The following ZFAND2A variants were observed in gnomAD, a reference collection of about 807,000 sequenced individuals.
The protein encoded by ZFAND2A is AN1-type zinc finger protein 2A.
A neutral mutation model predicts 11.6 loss-of-function variants in ZFAND2A; 20 were observed. The ratio of observed to expected loss-of-function variants is 1.72; its 90% CI spans 1.21 to 2.50. The LOEUF is 2.50. Ranked by LOEUF, ZFAND2A falls within the 30% of genes most tolerant of loss-of-function variation. The probability of loss-of-function intolerance (pLI) is 0.00; values close to 1 mark genes in which losing one functional copy is unlikely to be tolerated. For synonymous variants in ZFAND2A, 93 were observed against 60.6 expected, an observed-to-expected ratio of 1.54 and a Z score of -2.48; for missense variants, 234 against 182.9, an observed-to-expected ratio of 1.28 and a Z score of -1.61.
chr7:1,155,148 AAATG>A (rs1793492289), intron 4 of ZFAND2A, among the ~76,000 whole-genome samples: 1 of 151,804 alleles, frequency 6.6e-6, no homozygotes, highest in Non-Finnish European at 1.5e-5. Context: ...ACAAACAAAC[AAATG>A]AAACGCACAT....
chr7:1,159,673 AC>A, intron 1 of ZFAND2A, among the ~76,000 whole-genome samples: 1 of 46,276 alleles, frequency 2.2e-5, no homozygotes, highest in East Asian at 3.4e-4. Context: ...GACAGGCCGG[AC>A]CCCCAGCAGC....
rs571899930 is a variant in ZFAND2A, at chr7:1,157,463, T to C, written c.150+193A>G. ...CTGAGAGTCATCCAACAGAATGTCCTGTGAGGGCAGACACGCTCCTCTGTA... is the reference window on the plus strand; with the variant it reads ...CTGAGAGTCATCCAACAGAATGTCCCGTGAGGGCAGACACGCTCCTCTGTA... On this transcript the variant is annotated intron_variant, in intron 3 of 4. Transcript: ENST00000316495. The C allele has an allele frequency of 6.2e-6, 3 of 483,396 alleles. No homozygotes were observed. The East Asian group carries it at 1.1e-4, about 17-fold the overall frequency. 29.9% of individuals were successfully genotyped at this position (483,396 alleles called of 1,614,324 possible). A position where few individuals can be genotyped will look rare whatever the true frequency, so the allele number is the denominator to read the frequency against.
At chr7:1,156,859 G>A (rs1443073948) in intron 3 of ZFAND2A, among the ~76,000 whole-genome samples, 1 of 151,970 alleles carries the variant, frequency 6.6e-6, no homozygotes, top group Non-Finnish European at 1.5e-5. Flanking sequence ...AGGGGCAGTG[G>A]GAAGACAAGC....
chr7:1,150,852 CAG>C (rs1793384480), downstream of ZFAND2A, among the ~76,000 whole-genome samples: 28 of 150,768 alleles, frequency 1.9e-4, no homozygotes, highest in African/African-American at 6.3e-4. Context: ...AGGTGCAAAG[CAG>C]CTCTCGGGCT....
In ZFAND2A at chr7:1,158,261, C is replaced by T; in HGVS notation, c.-45-4G>A. The T allele has an allele frequency of 6.4e-7, 1 of 1,560,754 alleles. No homozygotes were observed. Among genetic ancestry groups the T allele is most frequent in the Non-Finnish European group, 8.8e-7 (1 of 1,133,894 alleles). On this transcript the variant is annotated splice_region_variant and splice_polypyrimidine_tract_variant and intron_variant, in intron 1 of 4. Transcript: ENST00000316495. The stretch of plus-strand genomic sequence containing the variant: ...AGATGGCGGAGTTAAGTGTCACCTA[C>T]AAGAGAATCAGAATAGTTAGGAGGA...
At chr7:1,152,443 G>C (rs906036802), downstream of ZFAND2A, 6 of 1,387,246 alleles carry the variant, frequency 4.3e-6, no homozygotes, top group African/African-American at 2.9e-5. Context: ...GCCTGGCCCA[G>C]GGATGGACGC....
downstream of ZFAND2A, among the ~76,000 whole-genome samples, chr7:1,151,762 T>TAAAAAAAAA (rs530920394): frequency 9.9e-4 from 86 of 87,180 alleles, 1 homozygote; most frequent in Non-Finnish European, 1.7e-3. Context: ...TCATCCCTTT[T>TAAAAAAAAA]AAAAAAAAAA....
rs1001284388 is a variant in ZFAND2A, at chr7:1,157,724, A to G, written c.82T>C (p.Cys28Arg). Residue 28 changes from cysteine (C) to arginine (R), a missense_variant, in exon 3 of 5, where the codon TGT (cysteine) becomes CGT (arginine). By Grantham distance (180) the Cys-to-Arg change is radical (BLOSUM62 -3). Transcript: ENST00000316495. ...TGATCTTTACAGAAATCTTGTTTACATGCATCACATTTTACTGGAAGAAAA... is the reference window on the plus strand; with the variant it reads ...TGATCTTTACAGAAATCTTGTTTACGTGCATCACATTTTACTGGAAGAAAA... ...LDFLPVKCDA[C>R]KQDFCKDHFP... 4 of 1,560,348 alleles carry G rather than the reference A, an allele frequency of 2.6e-6. No homozygotes were observed. Among genetic ancestry groups the G allele is most frequent in the South Asian group, 2.4e-5 (2 of 83,458 alleles).
At position 1,159,823 on chromosome 7, in the gene ZFAND2A, C is replaced by T. The variant is rs1038484939; in HGVS notation, c.-46+141G>A. 32 of 181,428 alleles carry T rather than the reference C, an allele frequency of 1.8e-4. 8 individuals are homozygous for T. Among genetic ancestry groups the T allele is most frequent in the Non-Finnish European group, 3.8e-4 (32 of 84,490 alleles). 11.2% of individuals were successfully genotyped at this position (181,428 alleles called of 1,614,324 possible). ...CCCGGTCCCCAGCAGACAGGCCGGACCCCCAGCAGCCTGACCTCCAGCAAG... is the reference window on the plus strand; with the variant it reads ...CCCGGTCCCCAGCAGACAGGCCGGATCCCCAGCAGCCTGACCTCCAGCAAG... On this transcript the variant is annotated intron_variant, in intron 1 of 4. Coordinates refer to ENST00000316495, the MANE Select transcript of ZFAND2A (RefSeq NM_182491.4).
intron 4 of ZFAND2A, among the ~76,000 whole-genome samples, chr7:1,155,163 G>C (rs1012125725): frequency 1.4e-4 from 22 of 152,216 alleles, no homozygotes; most frequent in African/African-American, 4.8e-4. Flanking sequence ...AAACGCACAT[G>C]AACAGAATGG....
At chr7:1,152,889 C>A (rs1434157061), downstream of ZFAND2A, 1 of 935,786 alleles carries the variant, frequency 1.1e-6, no homozygotes, top group South Asian at 1.4e-5. Flanking sequence ...CAGCAGTGGG[C>A]AATGAGAACA....
intron 4 of ZFAND2A, 143 bp from the exon 5 acceptor site, chr7:1,153,367 C>T (rs2128257406): frequency 1.2e-6 from 1 of 860,148 alleles, no homozygotes; most frequent in South Asian, 1.7e-5. Flanking sequence ...CCTGCTTCAG[C>T]CTAGTACCTG....
intron 1 of ZFAND2A, among the ~76,000 whole-genome samples, chr7:1,159,321 C>T (rs527352203): frequency 6.6e-6 from 1 of 152,236 alleles, no homozygotes; most frequent in Non-Finnish European, 1.5e-5. Context: ...AACCAACACC[C>T]TACCCTGGCG....
chr7:1,151,254 TCA>T (rs544523873), downstream of ZFAND2A, among the ~76,000 whole-genome samples: 581 of 152,196 alleles, frequency 3.8e-3, 1 homozygote, highest in Non-Finnish European at 5.2e-3. Context: ...ACACCTTCTC[TCA>T]CACAGTGTCC....
chr7:1,158,094 A>T lies in ZFAND2A; in HGVS notation c.55+64T>A, dbSNP rs1016074306. On this transcript the variant is annotated intron_variant, in intron 2 of 4. Transcript: ENST00000316495. Reference sequence around the variant, plus strand: ...CCAAGACACAATTATCAGCTAATTAACAGAACAGCCAGCTTTCCCCCAACA... The same window carrying T: ...CCAAGACACAATTATCAGCTAATTATCAGAACAGCCAGCTTTCCCCCAACA... 2.0e-6 allele frequency: 3 copies of T among 1,504,044 alleles called. No homozygotes were observed. The African/African-American group carries it at 4.1e-5, about 21-fold the overall frequency. 93.2% of individuals were successfully genotyped at this position (1,504,044 alleles called of 1,614,324 possible). A position where few individuals can be genotyped will look rare whatever the true frequency, so the allele number is the denominator to read the frequency against.
rs149144899 is a variant in ZFAND2A, at chr7:1,156,962, G to A, written c.150+694C>T. ...CGTGATGGCCTAAAAATGGCTGGAG[G>A]GTCAGACCCTGGCCAACACTGGTCA... On this transcript the variant is annotated intron_variant, in intron 3 of 4. Coordinates refer to ENST00000316495, the MANE Select transcript of ZFAND2A (RefSeq NM_182491.4). 8 of 152,362 alleles carry A rather than the reference G, an allele frequency of 5.3e-5. No homozygotes were observed. The East Asian group carries it at 1.5e-3, about 29-fold the overall frequency. 9.4% of individuals were successfully genotyped at this position (152,362 alleles called of 1,614,324 possible). A position where few individuals can be genotyped will look rare whatever the true frequency, so the allele number is the denominator to read the frequency against.
chr7:1,157,319 G>GT (rs1360284177), intron 3 of ZFAND2A: 3 of 182,906 alleles, frequency 1.6e-5, no homozygotes, highest in Non-Finnish European at 3.4e-5. Flanking sequence ...CAGCTATGGT[G>GT]TAACAGCTAT....
At position 1,153,577 on chromosome 7, in the gene ZFAND2A, A is replaced by AGGC. The variant is rs1236861969; in HGVS notation, c.283-354_283-353insGCC. 1.2e-4 allele frequency among the ~76,000 whole-genome samples: 19 copies of AGGC among 152,302 alleles called. No homozygotes were observed. In the East Asian group the frequency reaches 3.7e-3, roughly 29 times the overall value. On this transcript the variant is annotated intron_variant, in intron 4 of 4. Transcript: ENST00000316495. ...AACAGCCTCCGGTAAGAACATTCCCATTTAAACTGGACACAGTTCCTGTCT... is the reference window on the plus strand; with the variant it reads ...AACAGCCTCCGGTAAGAACATTCCCAGGCTTTAAACTGGACACAGTTCCTGTCT...
chr7:1,157,857 G>A (rs370987066), intron 2 of ZFAND2A, 107 bp from the exon 3 acceptor site: 4 of 861,252 alleles, frequency 4.6e-6, no homozygotes, highest in Admixed American at 5.4e-5. Context: ...CTATGAGATG[G>A]ACAGGTCCTC....
Sources: allele counts gnomAD v4.1 joint callset (sites outside exome capture counted in the v4.1 genomes callset), GRCh38; gene constraint gnomAD v4.1.1; transcripts MANE v1.5; gene names NCBI Gene and HGNC (gene_info 2026-07-23, HGNC 2026-07-21).